The following NUFIP2 variants were observed in gnomAD, a reference collection of about 807,000 sequenced individuals.
NUFIP2 encodes nuclear FMR1 interacting protein 2, also known as FMR1-interacting protein NUFIP2.
In NUFIP2, 6 loss-of-function variants were observed where a neutral mutation model predicts 56.9. The observed-to-expected ratio is 0.11, with a 90% CI of 0.06 to 0.21. NUFIP2 has a LOEUF of 0.21. Ranked by LOEUF, NUFIP2 falls within the 10% of genes least tolerant of loss-of-function variation. The pLI is 1.00. For synonymous variants in NUFIP2, 321 were observed against 298.2 expected (o/e 1.08, Z -0.79); for missense variants, 828 against 826.8 (o/e 1.00, Z -0.02).
intron 1 of NUFIP2, among the ~76,000 whole-genome samples, chr17:29,292,786 G>A (rs1282204634): frequency 2.7e-5 from 4 of 147,842 alleles, no homozygotes; most frequent in African/African-American, 9.9e-5. Context: ...CCTCGTGGCC[G>A]CTTCCCTCCC....
At chr17:29,285,909 CTAAT>C (rs1236964164) in intron 2 of NUFIP2, 79 bp downstream of exon 2, 11 of 1,089,986 alleles carry the variant, frequency 1.0e-5, no homozygotes, top group Non-Finnish European at 1.2e-5. Context: ...ATATGAACAA[CTAAT>C]TCTCTTAAAA....
chr17:29,267,959 C>T (rs1207097495), intron 2 of NUFIP2, among the ~76,000 whole-genome samples: 1 of 152,102 alleles, frequency 6.6e-6, no homozygotes, highest in Non-Finnish European at 1.5e-5. Flanking sequence ...AGTGCAGTGG[C>T]CTGATCTCGG....
Position 29,287,321 on chromosome 17 carries a change from T to G in NUFIP2, c.673A>C (p.Lys225Gln). 6.2e-7 allele frequency: 1 copy of G among 1,614,170 alleles called. No homozygotes were observed. The highest frequency in any genetic ancestry group is 8.5e-7 in the Non-Finnish European group (1 of 1,180,048). The change falls in exon 2 of 4, where the codon AAA becomes CAA. Residue 225 changes from lysine to glutamine, a missense_variant. This residue lies in a region of NUFIP2 where 415 missense variants were observed against 408.7 expected (regional missense o/e 1.02). Coordinates refer to ENST00000225388, the MANE Select transcript of NUFIP2 (RefSeq NM_020772.3). Reference sequence around the variant, plus strand: ...CCCTTGGCACTATTGCGCCTAGCTTTCCTTTTTTTAGGAGTTGTATATCCG... The same window carrying G: ...CCCTTGGCACTATTGCGCCTAGCTTGCCTTTTTTTAGGAGTTGTATATCCG... The part of the protein sequence containing the change: ...ESGYTTPKKR[K>Q]ARRNSAKGCE...
In NUFIP2 at chr17:29,293,882, G is replaced by C; in HGVS notation, c.178C>G (p.His60Asp). The stretch of plus-strand genomic sequence containing the variant: ...GCCTTGGGGCTGCCCTCGGCTCCAT[G>C]CTGCAGGTATTGGTGAGGCTGCTGG... ...HHQQPHQYLQ[H>D]GAEGSPKAQP... is the part of the protein sequence containing the mutation. The change falls in exon 1 of 4, where the codon CAT becomes GAT. Residue 60 changes from histidine (H) to aspartate (D), a missense_variant. By Grantham distance (81) the His-to-Asp change is moderately conservative (BLOSUM62 -1). Coordinates refer to ENST00000225388, the MANE Select transcript of NUFIP2 (RefSeq NM_020772.3). 1.9e-6 allele frequency: 3 copies of C among 1,613,974 alleles called. No individual in the cohort carries two copies. The highest frequency in any genetic ancestry group is 2.5e-6 in the Non-Finnish European group (3 of 1,179,934).
chr17:29,277,171 CG>C (rs1333415311), intron 2 of NUFIP2, among the ~76,000 whole-genome samples: 1 of 152,052 alleles, frequency 6.6e-6, no homozygotes, highest in African/African-American at 2.4e-5. Context: ...ACTACAGGCA[CG>C]TGCCACCATG....
chr17:29,264,977 T>C (rs769858591), intron 3 of NUFIP2, among the ~76,000 whole-genome samples: 33 of 152,248 alleles, frequency 2.2e-4, no homozygotes, highest in Non-Finnish European at 3.8e-4. Context: ...ATTTTTCTTT[T>C]GCTGTTCCCA....
intron 2 of NUFIP2, among the ~76,000 whole-genome samples, chr17:29,273,049 T>C (rs997430658): frequency 6.7e-6 from 1 of 148,476 alleles, no homozygotes; most frequent in African/African-American, 2.5e-5. Context: ...CACACACATA[T>C]ATATATATAG....
intron 1 of NUFIP2, among the ~76,000 whole-genome samples, chr17:29,288,755 CTA>C (rs2069193265): frequency 6.6e-6 from 1 of 152,214 alleles, no homozygotes; most frequent in South Asian, 2.1e-4. Flanking sequence ...TTTCCTATCA[CTA>C]TGTAATACTG....
chr17:29,291,120 T>C (rs1440290897), intron 1 of NUFIP2, among the ~76,000 whole-genome samples: 3 of 151,914 alleles, frequency 2.0e-5, no homozygotes, highest in African/African-American at 4.8e-5. Context: ...GTATGAAGTA[T>C]GCTGGAAAGA....
At chr17:29,291,438 TTTCTTAG>T in intron 1 of NUFIP2, among the ~76,000 whole-genome samples, 1 of 151,174 alleles carries the variant, frequency 6.6e-6, no homozygotes, top group Admixed American at 6.6e-5. Flanking sequence ...ATTGTAATGT[TTTCTTAG>T]TTATTAGCAT....
intron 1 of NUFIP2, among the ~76,000 whole-genome samples, chr17:29,293,109 G>A (rs946475650): frequency 2.6e-5 from 4 of 151,664 alleles, no homozygotes; most frequent in Admixed American, 1.3e-4. Flanking sequence ...CAGCCGCGCC[G>A]GCTCTGGGGG....
chr17:29,275,023 G>GT (rs571066266), intron 2 of NUFIP2, among the ~76,000 whole-genome samples: 2,385 of 146,120 alleles, frequency 0.016, 57 homozygotes, highest in African/African-American at 0.053. Flanking sequence ...TCTGAACTCA[G>GT]TTTTTTTTTT....
In NUFIP2 at chr17:29,294,134, T is replaced by A; in HGVS notation, c.-75A>T. 2.0e-6 allele frequency: 3 copies of A among 1,519,420 alleles called. No homozygotes were observed. Among genetic ancestry groups the A allele is most frequent in the Non-Finnish European group, 2.6e-6 (3 of 1,134,384 alleles). 94.1% of individuals were successfully genotyped at this position (1,519,420 alleles called of 1,614,324 possible). ...AGGATCTGAGACTGCTTCTCAGGGC[T>A]CACTCAGTATATCTGAGCGCGTCTC... On this transcript the variant is annotated 5_prime_UTR_variant, in exon 1 of 4. Coordinates refer to ENST00000225388, the MANE Select transcript of NUFIP2 (RefSeq NM_020772.3).
Position 29,293,852 on chromosome 17 carries a change from G to C in NUFIP2, c.208C>G (p.Pro70Ala). 6.2e-7 allele frequency: 1 copy of C among 1,611,748 alleles called. No individual in the cohort carries two copies. Among genetic ancestry groups the C allele is most frequent in the Non-Finnish European group, 8.5e-7 (1 of 1,178,240 alleles). Residue 70 changes from proline to alanine, a missense_variant, in exon 1 of 4, where the codon CCA (proline) becomes GCA (alanine). Pro to Ala is a conservative substitution (Grantham distance 27, BLOSUM62 -1). This residue lies in a region of NUFIP2 where 415 missense variants were observed against 408.7 expected (regional missense o/e 1.02). Transcript: ENST00000225388. ...HGAEGSPKAQ[P>A]KPLKHEQKHT... ...TTCTGCTCATGTTTCAGCGGCTTTG[G>C]CTGGGCCTTGGGGCTGCCCTCGGCT...
At chr17:29,269,400 T>C (rs1445210530) in intron 2 of NUFIP2, among the ~76,000 whole-genome samples, 1 of 152,196 alleles carries the variant, frequency 6.6e-6, no homozygotes, top group Non-Finnish European at 1.5e-5. Context: ...TCTAAAATTA[T>C]TATTTTCTGA....
intron 3 of NUFIP2, among the ~76,000 whole-genome samples, chr17:29,265,782 AG>A (rs60265990): frequency 0.096 from 14,325 of 149,204 alleles, 889 homozygotes; most frequent in South Asian, 0.18. Flanking sequence ...GCCTGAAAAT[AG>A]TATCAGAAAA....
rs1468932310 is a variant in NUFIP2 at position 29,264,474 on chromosome 17, C to CT, written c.*64dup. ...GTTGAAGATCTAGGAGCATAAAAGC[C>CT]TTGTGTCCCCCATGAACGATGGCTC... On this transcript the variant is annotated 3_prime_UTR_variant, in exon 4 of 4. Coordinates refer to ENST00000225388, the MANE Select transcript of NUFIP2 (RefSeq NM_020772.3). The CT allele has an allele frequency of 9.2e-7, 1 of 1,092,662 alleles. No homozygotes were observed. Among genetic ancestry groups the CT allele is most frequent in the Non-Finnish European group, 1.4e-6 (1 of 719,080 alleles). 67.7% of individuals were successfully genotyped at this position (1,092,662 alleles called of 1,614,324 possible).
rs980401196 is a variant in NUFIP2, at chr17:29,261,738, T to A, written c.*2801A>T. The A allele has an allele frequency of 6.6e-6, 1 of 152,566 alleles. No individual in the cohort carries two copies. The highest frequency in any genetic ancestry group is 1.5e-5 in the Non-Finnish European group (1 of 68,020). The allele number at this position is 152,566 out of a possible 1,614,324, so 9.5% of individuals were successfully genotyped here. On this transcript the variant is annotated 3_prime_UTR_variant, in exon 4 of 4. Coordinates refer to ENST00000225388, the MANE Select transcript of NUFIP2 (RefSeq NM_020772.3). Reference sequence around the variant, plus strand: ...TGTTACCAAACAGCACAAAGAGATTTGTCCCAAAGTCCTGCTTGTACCTAG... The same window carrying A: ...TGTTACCAAACAGCACAAAGAGATTAGTCCCAAAGTCCTGCTTGTACCTAG...
intron 2 of NUFIP2, among the ~76,000 whole-genome samples, chr17:29,285,030 C>T (rs549901301): frequency 1.6e-4 from 25 of 152,212 alleles, no homozygotes; most frequent in African/African-American, 5.5e-4. Context: ...AGGCTGGGCA[C>T]GGTGGCTCAC....
Sources: gnomAD v4.1 joint callset for allele counts (sites outside exome capture counted in the v4.1 genomes callset) on GRCh38, gnomAD v4.1.1 for gene constraint, gnomAD v4.1.1 regional missense constraint, MANE v1.5 for transcripts, NCBI Gene and HGNC (gene_info 2026-07-23, HGNC 2026-07-21) for gene names.